The following RBM5 variants were observed in gnomAD, a reference collection of about 807,000 sequenced individuals.
The protein encoded by RBM5 is RNA binding motif protein 5.
RBM5 carries 15 observed loss-of-function variants against 124.6 expected under a neutral mutation model. The observed-to-expected ratio is 0.12, with a 90% CI of 0.08 to 0.19. The LOEUF (loss-of-function observed/expected upper bound fraction) is 0.19. Ranked by LOEUF, RBM5 falls within the 10% of genes least tolerant of loss-of-function variation. The probability of loss-of-function intolerance (pLI) is 1.00; values close to 1 mark genes in which losing one functional copy is unlikely to be tolerated. For synonymous variants in RBM5, 337 were observed against 361.2 expected, an observed-to-expected ratio of 0.93 and a Z score of 0.76; for missense variants, 580 against 1,026.5, an observed-to-expected ratio of 0.57 and a Z score of 5.94.
intron 17 of RBM5, 129 bp from the exon 18 acceptor site, chr3:50,113,254 C>A: frequency 1.1e-6 from 1 of 889,584 alleles, no homozygotes; most frequent in Non-Finnish European, 1.7e-6. Context: ...CCAAGGTGTG[C>A]CCAGGGTCTT....
intron 14 of RBM5, among the ~76,000 whole-genome samples, chr3:50,108,713 A>G (rs1361845039): frequency 1.3e-5 from 2 of 149,432 alleles, no homozygotes. Context: ...TCTCAGAAAG[A>G]AAAAAAAAAG....
At chr3:50,098,076 AAC>A (rs2090858298) in intron 4 of RBM5, among the ~76,000 whole-genome samples, 1 of 152,270 alleles carries the variant, frequency 6.6e-6, no homozygotes, top group East Asian at 1.9e-4. Context: ...CAGCCTGGGC[AAC>A]AGAGTGAGAC....
intron 4 of RBM5, 93 bp from the exon 5 acceptor site, chr3:50,099,889 C>A: frequency 4.5e-5 from 45 of 990,582 alleles, no homozygotes; most frequent in Non-Finnish European, 5.4e-5. Context: ...AAAAAAAAAA[C>A]TTGGCTAATT....
Position 50,118,913 on chromosome 3 carries a change from G to T in RBM5, c.*457G>T. 6.5e-6 allele frequency: 1 copy of T among 154,422 alleles called. No individual in the cohort carries two copies. The highest frequency in any genetic ancestry group is 1.4e-5 in the Non-Finnish European group (1 of 69,158). The allele number at this position is 154,422 out of a possible 1,614,324, so 9.6% of individuals were successfully genotyped here. ...TGTACAGAATTTTGGAAGATTTTCA[G>T]TCTAGTTGCCAAATCTGGCTCCTTT... On this transcript the variant is annotated 3_prime_UTR_variant, in exon 25 of 25. Coordinates refer to ENST00000347869, the MANE Select transcript of RBM5 (RefSeq NM_005778.4).
intron 6 of RBM5, chr3:50,102,835 A>G (rs1253249841): frequency 4.3e-6 from 2 of 465,618 alleles, no homozygotes; most frequent in Non-Finnish European, 7.7e-6. Context: ...GGCCTGGTGC[A>G]AGTCAGCGTT....
At chr3:50,089,466 G>GT (rs1275267737) in intron 1 of RBM5, among the ~76,000 whole-genome samples, 1 of 152,228 alleles carries the variant, frequency 6.6e-6, no homozygotes, top group African/African-American at 2.4e-5. Flanking sequence ...GGAGGGGCAT[G>GT]TGCGGGGAGG....
Position 50,114,205 on chromosome 3 carries a change from T to C in RBM5, c.1793T>C (p.Leu598Pro). Residue 598 changes from leucine to proline, a missense_variant, in exon 20 of 25, where the codon CTC becomes CCC. This residue lies in a region of RBM5 where 234 missense variants were observed against 435.1 expected (regional missense o/e 0.54). Coordinates refer to ENST00000347869, the MANE Select transcript of RBM5 (RefSeq NM_005778.4). ...KKGALAERQQ[L>P]IPELVRNGDE... ...GGAGCCTTAGCTGAAAGGCAGCAGCTCATCCCAGAATTGGTGCGAAATGGA... is the reference window on the plus strand; with the variant it reads ...GGAGCCTTAGCTGAAAGGCAGCAGCCCATCCCAGAATTGGTGCGAAATGGA... 1 of 1,613,150 alleles carries C rather than the reference T, an allele frequency of 6.2e-7. No individual in the cohort carries two copies. Among genetic ancestry groups the C allele is most frequent in the Non-Finnish European group, 8.5e-7 (1 of 1,179,798 alleles).
chr3:50,092,815 G>A (rs1196821026), intron 3 of RBM5: 21 of 423,888 alleles, frequency 5.0e-5, no homozygotes, highest in Non-Finnish European at 6.7e-5. Flanking sequence ...TTGGGAGGCC[G>A]AGGCAGGAGG....
chr3:50,093,450 A>G (rs184966602), intron 3 of RBM5, among the ~76,000 whole-genome samples: 83 of 151,950 alleles, frequency 5.5e-4, no homozygotes, highest in Middle Eastern at 6.8e-3. Context: ...CAAAAAAAAA[A>G]AAAAAGAAAA....
intron 20 of RBM5, 125 bp downstream of exon 20, chr3:50,114,376 T>G: frequency 1.1e-6 from 1 of 900,072 alleles, no homozygotes; most frequent in Non-Finnish European, 1.6e-6. Context: ...TTGATGGGTA[T>G]TGGAGCAGTT....
chr3:50,104,476 A>C (rs1292631540), intron 8 of RBM5, 168 bp downstream of exon 8: 3 of 628,626 alleles, frequency 4.8e-6, no homozygotes, highest in Non-Finnish European at 8.4e-6. Context: ...CTGCCTGTAC[A>C]AAAAAAGAAA....
chr3:50,113,505 A>G lies in RBM5; in HGVS notation c.1578A>G (p.Lys526=). Residue 526 remains lysine (K), a synonymous_variant, in exon 18 of 25, where the codon AAA becomes AAG. Coordinates refer to ENST00000347869, the MANE Select transcript of RBM5 (RefSeq NM_005778.4). ...GCCTGCCTCCTGCAAAAGAGGGGAA[A>G]GAGAAGAAGGAGAAACCCAAGAGCA... ...QSGLPPAKEG[K]EKKEKPKSKT... 3.1e-6 allele frequency: 5 copies of G among 1,614,134 alleles called. No individual in the cohort carries two copies. Among genetic ancestry groups the G allele is most frequent in the Non-Finnish European group, 4.2e-6 (5 of 1,180,016 alleles).
At chr3:50,109,997 G>A (rs1255828349) in intron 15 of RBM5, among the ~76,000 whole-genome samples, 2 of 152,168 alleles carry the variant, frequency 1.3e-5, no homozygotes, top group Non-Finnish European at 2.9e-5. Flanking sequence ...TGGATCACGA[G>A]GTTAGGAGAT....
At chr3:50,109,804 CT>C (rs2091109195) in intron 15 of RBM5, 116 bp downstream of exon 15, 1 of 683,808 alleles carries the variant, frequency 1.5e-6, no homozygotes, top group Non-Finnish European at 2.5e-6. Flanking sequence ...ACACTTCAAC[CT>C]TATTTCTTTC....
At chr3:50,113,593 T>C in intron 18 of RBM5, 49 bp downstream of exon 18, 1 of 1,542,790 alleles carries the variant, frequency 6.5e-7, no homozygotes, top group South Asian at 1.2e-5. Flanking sequence ...GGCTGAACTC[T>C]TAGTTTTGGG....
Position 50,105,546 on chromosome 3 carries a change from T to TA in RBM5, c.695-2dup. On this transcript the variant is annotated splice_region_variant and splice_polypyrimidine_tract_variant and intron_variant, in intron 9 of 24. Coordinates refer to ENST00000347869, the MANE Select transcript of RBM5 (RefSeq NM_005778.4). The stretch of plus-strand genomic sequence containing the variant: ...GTATGTCATTTGTCTCATTTACCCC[T>TA]AGCGATCATTCTTCGGAACATAGCT... The TA allele has an allele frequency of 6.2e-7, 1 of 1,613,040 alleles. No individual in the cohort carries two copies. The highest frequency in any genetic ancestry group is 8.5e-7 in the Non-Finnish European group (1 of 1,179,382).
In RBM5 at chr3:50,117,289, T is replaced by C. The variant is rs1458659359; in HGVS notation, c.2232T>C (p.Ser744=). The change falls in exon 24 of 25, where the codon AGT becomes AGC. Residue 744 remains serine (S), a synonymous_variant. Coordinates refer to ENST00000347869, the MANE Select transcript of RBM5 (RefSeq NM_005778.4). This position sits in a 1 kb window ranked among gnomAD's most constrained non-coding sequence, Gnocchi z 4.2. ...EQPTKDGIDH[S]NIGNKMLQAM... is the part of the protein sequence containing the mutation. ...CCACCAAAGATGGCATTGACCACAG[T>C]AACATTGGCAACAAGATGCTGCAGG... 4.3e-6 allele frequency: 7 copies of C among 1,614,166 alleles called. No homozygotes were observed. Among genetic ancestry groups the C allele is most frequent in the Non-Finnish European group, 5.9e-6 (7 of 1,180,036 alleles).
In RBM5 at chr3:50,100,734, T is replaced by A; in HGVS notation, c.483+129T>A. On this transcript the variant is annotated intron_variant, in intron 6 of 24. Coordinates refer to ENST00000347869, the MANE Select transcript of RBM5 (RefSeq NM_005778.4). This position sits in a 1 kb window ranked among gnomAD's most constrained non-coding sequence, Gnocchi z 5.1. ...TTTAAAAAAAAAGCTTTGTATATAT[T>A]AAAATTGATGTTACTAGAATAAGTA... 3.0e-6 allele frequency: 2 copies of A among 658,594 alleles called. No homozygotes were observed. Among genetic ancestry groups the A allele is most frequent in the Non-Finnish European group, 5.0e-6 (2 of 399,944 alleles). The allele number at this position is 658,594 out of a possible 1,614,324, so 40.8% of individuals were successfully genotyped here.
chr3:50,113,577 G>T (rs192863007), intron 18 of RBM5, 33 bp downstream of exon 18: 578 of 1,580,616 alleles, frequency 3.7e-4, no homozygotes, highest in Admixed American at 1.2e-3. Flanking sequence ...TTTCATTGAG[G>T]TATTGGGCTG....
Sources: gnomAD v4.1 joint callset for allele counts (sites outside exome capture counted in the v4.1 genomes callset) on GRCh38, gnomAD v4.1.1 for gene constraint, gnomAD v4.1.1 regional missense constraint, Gnocchi (gnomAD v3.1) non-coding constraint, MANE v1.5 for transcripts, NCBI Gene and HGNC (gene_info 2026-07-23, HGNC 2026-07-21) for gene names.